The following AUTS2 variants were observed in gnomAD, a reference collection of about 807,000 sequenced individuals.
AUTS2 encodes activator of transcription and developmental regulator AUTS2, also known as autism susceptibility gene 2 protein.
A neutral mutation model predicts 112.4 loss-of-function variants in AUTS2; 17 were observed. The ratio of observed to expected loss-of-function variants is 0.15; its 90% confidence interval spans 0.10 to 0.23. AUTS2 has a LOEUF of 0.23. AUTS2 is among the 10% of genes least tolerant of loss of function. The pLI, the probability that AUTS2 is intolerant of heterozygous loss-of-function variation, is 1.00. For synonymous variants in AUTS2, 751 were observed against 702.7 expected (o/e 1.07, Z -1.09); for missense variants, 1,510 against 1,701.6 (o/e 0.89, Z 1.98).
intron 1 of AUTS2, among the ~76,000 whole-genome samples, chr7:69,639,406 A>T (rs963586027): frequency 2.0e-5 from 3 of 152,118 alleles, no homozygotes; most frequent in African/African-American, 7.2e-5. Context: ...AAAACCATAG[A>T]ATTTGAGGCT....
chr7:70,540,898 C>G (rs918252312), intron 5 of AUTS2, among the ~76,000 whole-genome samples: 18 of 152,160 alleles, frequency 1.2e-4, no homozygotes, highest in African/African-American at 4.3e-4. Context: ...TCTTCAGCAT[C>G]ACCAGGGAGG....
chr7:69,599,634 G>A lies in AUTS2; in HGVS notation c.-20G>A. ...GTAGCCTGTGGCGGGCAAGCGGGGA[G>A]ACCCCGGCGCAGCAGAACCATGGAT... On this transcript the variant is annotated 5_prime_UTR_variant, in exon 1 of 19. Transcript: ENST00000342771. The surrounding 1 kb of genome is among the most constrained non-coding windows in gnomAD (Gnocchi z 7.0). 1.6e-6 allele frequency: 2 copies of A among 1,276,714 alleles called. No individual in the cohort carries two copies. The highest frequency in any genetic ancestry group is 9.9e-7 in the Non-Finnish European group (1 of 1,013,526). The allele number at this position is 1,276,714 out of a possible 1,614,324, so 79.1% of individuals were successfully genotyped here. A position where few individuals can be genotyped will look rare whatever the true frequency, so the allele number is the denominator to read the frequency against.
Position 69,699,639 on chromosome 7 carries a change from G to GTT in AUTS2, c.309+99698_309+99699dup, listed in dbSNP as rs748794120. Among the ~76,000 whole-genome samples the GTT allele has an allele frequency of 3.8e-3, 420 of 111,324 alleles. 2 individuals carry two copies. The highest frequency in any genetic ancestry group is 7.1e-3 in the African/African-American group (206 of 29,178). The allele number at this position is 111,324 out of a possible 152,430, so 73.0% of individuals were successfully genotyped here. A position where few individuals can be genotyped will look rare whatever the true frequency, so the allele number is the denominator to read the frequency against. ...TTACAAGTGATGCTGCAGTGATAATGTTTTTTTTTTTTTTTTTTTTTTCCC... is the reference window on the plus strand; with the variant it reads ...TTACAAGTGATGCTGCAGTGATAATGTTTTTTTTTTTTTTTTTTTTTTTTCCC... On this transcript the variant is annotated intron_variant, in intron 1 of 18. Coordinates refer to ENST00000342771, the MANE Select transcript of AUTS2 (RefSeq NM_015570.4).
intron 5 of AUTS2, among the ~76,000 whole-genome samples, chr7:70,521,127 C>T (rs1360871060): frequency 6.6e-6 from 1 of 152,154 alleles, no homozygotes; most frequent in African/African-American, 2.4e-5. Flanking sequence ...AATGAATGTA[C>T]ATCCCTGACC....
chr7:70,058,443 C>A (rs998208663), intron 2 of AUTS2, among the ~76,000 whole-genome samples: 1 of 152,162 alleles, frequency 6.6e-6, no homozygotes, highest in Admixed American at 6.5e-5. Context: ...TGTACCCCCC[C>A]GCTACGCATA....
chr7:69,958,491 G>T (rs114107177), intron 2 of AUTS2, among the ~76,000 whole-genome samples: 2 of 152,072 alleles, frequency 1.3e-5, no homozygotes, highest in Non-Finnish European at 2.9e-5. Flanking sequence ...CCAAGTGGAG[G>T]TGCAGTAGAG....
At chr7:70,492,656 C>T (rs1282482147) in intron 5 of AUTS2, among the ~76,000 whole-genome samples, 1 of 152,064 alleles carries the variant, frequency 6.6e-6, no homozygotes, top group East Asian at 1.9e-4. Context: ...GACCATAAGC[C>T]CAGAAGTGCT....
intron 1 of AUTS2, among the ~76,000 whole-genome samples, chr7:69,628,246 G>A (rs980540461): frequency 6.6e-6 from 1 of 152,182 alleles, no homozygotes; most frequent in Non-Finnish European, 1.5e-5. Flanking sequence ...TGTGCTTGGA[G>A]CCTGTGTTTG....
intron 2 of AUTS2, among the ~76,000 whole-genome samples, chr7:70,032,640 G>T (rs1382992032): frequency 1.3e-5 from 2 of 152,088 alleles, no homozygotes; most frequent in Admixed American, 6.6e-5. Flanking sequence ...TATCATTTAT[G>T]TCCTTGCAGT....
At chr7:70,140,780 T>A (rs2129575380) in intron 4 of AUTS2, among the ~76,000 whole-genome samples, 1 of 152,324 alleles carries the variant, frequency 6.6e-6, no homozygotes, top group East Asian at 1.9e-4. Context: ...AAATCTAAAT[T>A]TTATCTAGAA....
At chr7:70,750,797 A>T (rs993622057) in intron 6 of AUTS2, among the ~76,000 whole-genome samples, 1 of 152,250 alleles carries the variant, frequency 6.6e-6, no homozygotes, top group Non-Finnish European at 1.5e-5. Context: ...CCCAAATCAG[A>T]TGAAATACAA....
At chr7:69,656,944 AT>A (rs1183550303) in intron 1 of AUTS2, among the ~76,000 whole-genome samples, 1 of 152,186 alleles carries the variant, frequency 6.6e-6, no homozygotes, top group Non-Finnish European at 1.5e-5. Context: ...TTCAGGAAAG[AT>A]AGTCCTTTTG....
intron 4 of AUTS2, among the ~76,000 whole-genome samples, chr7:70,382,753 C>G (rs1364472927): frequency 6.6e-6 from 1 of 152,188 alleles, no homozygotes; most frequent in Non-Finnish European, 1.5e-5. Flanking sequence ...TCATTCTGAT[C>G]AGCATGATTT....
intron 5 of AUTS2, among the ~76,000 whole-genome samples, chr7:70,496,710 GCA>G (rs1798540398): frequency 1.7e-4 from 5 of 29,582 alleles, no homozygotes; most frequent in African/African-American, 2.7e-4. Flanking sequence ...AGTCACACAC[GCA>G]CACACCCCAC....
chr7:70,172,079 C>G (rs1469520662), intron 4 of AUTS2, among the ~76,000 whole-genome samples: 1 of 152,160 alleles, frequency 6.6e-6, no homozygotes, highest in Non-Finnish European at 1.5e-5. Flanking sequence ...CCTCACCAAG[C>G]TTCCCTCACT....
chr7:70,737,705 T>C (rs1219445020), intron 6 of AUTS2, among the ~76,000 whole-genome samples: 1 of 152,144 alleles, frequency 6.6e-6, no homozygotes, highest in Non-Finnish European at 1.5e-5. Flanking sequence ...ACTTTCTTTA[T>C]TATCAGAGAG....
intron 2 of AUTS2, among the ~76,000 whole-genome samples, chr7:70,115,168 G>A (rs1805294069): frequency 6.6e-6 from 1 of 152,220 alleles, no homozygotes; most frequent in African/African-American, 2.4e-5. Context: ...GTCTGTTTTT[G>A]TGCCTTGGTA....
At chr7:70,482,888 T>G (rs1797844370) in intron 5 of AUTS2, among the ~76,000 whole-genome samples, 1 of 152,078 alleles carries the variant, frequency 6.6e-6, no homozygotes, top group South Asian at 2.1e-4. Context: ...ACACACATAA[T>G]TCCTATGTAT....
chr7:69,616,444 C>T (rs763848125), intron 1 of AUTS2, among the ~76,000 whole-genome samples: 15 of 151,978 alleles, frequency 9.9e-5, no homozygotes, highest in Non-Finnish European at 1.8e-4. Flanking sequence ...TCCTAGAGGC[C>T]GAGGGACCAT....
Sources: gnomAD v4.1 joint callset for allele counts (sites outside exome capture counted in the v4.1 genomes callset) on GRCh38, gnomAD v4.1.1 for gene constraint, Gnocchi (gnomAD v3.1) non-coding constraint, MANE v1.5 for transcripts, NCBI Gene and HGNC (gene_info 2026-07-23, HGNC 2026-07-21) for gene names.